SAMD5: variants seen among roughly 807,000 people sequenced by gnomAD.
SAMD5 encodes the protein sterile alpha motif domain containing 5, also known as sterile alpha motif domain-containing protein 5.
SAMD5 carries 13 observed loss-of-function variants against 11.3 expected under a neutral mutation model. The ratio of observed to expected loss-of-function variants is 1.15; its 90% confidence interval spans 0.75 to 1.83. SAMD5 has a LOEUF of 1.83. Among genes scored for constraint, SAMD5 ranks in the 40% most tolerant of loss-of-function variants. The probability of loss-of-function intolerance (pLI) is 0.00; values close to 1 mark genes in which losing one functional copy is unlikely to be tolerated. For missense variants in SAMD5, 255 were observed against 239.1 expected (o/e 1.07, Z -0.44); for synonymous variants, 129 against 111.3 (o/e 1.16, Z -1.00).
chr6:147,509,638 T>A (rs1355740233), intron 1 of SAMD5, among the ~76,000 whole-genome samples: 1 of 152,178 alleles, frequency 6.6e-6, no homozygotes, highest in East Asian at 1.9e-4. Flanking sequence ...AAACTCCGCA[T>A]CCTCTCTGGT....
Position 147,715,077 on chromosome 6 carries a change from C to G in SAMD5, c.163-22240C>G, listed in dbSNP as rs1583150432. Among the ~76,000 whole-genome samples the G allele has an allele frequency of 2.0e-5, 3 of 152,148 alleles. No homozygotes were observed. In the South Asian group the frequency reaches 6.2e-4, roughly 31 times the overall value. ...GAAAGGGTAGAGTTTTACACTCTTT[C>G]CTGCAGTGGTGTCACGGGATCTTTA... is the stretch of plus-strand genomic sequence containing the variant. On this transcript the variant is annotated intron_variant, in intron 1 of 1. Coordinates refer to the SAMD5 transcript ENST00000566741.
chr6:147,896,738 C>CAAAAAAAAAAAAAAAAAAAAAAAAAAAA, the SAMD5 span, among the ~76,000 whole-genome samples: 9 of 55,326 alleles, frequency 1.6e-4, no homozygotes, highest in Non-Finnish European at 2.8e-4. Flanking sequence ...GAACATTAAC[C>CAAAAAAAAAAAAAAAAAAAAAAAAAAAA]AAAAAAAAAA....
chr6:147,661,044 A>C (rs181852794), intron 1 of SAMD5, among the ~76,000 whole-genome samples: 1 of 152,320 alleles, frequency 6.6e-6, no homozygotes, highest in South Asian at 2.1e-4. Context: ...CTGTGGGATC[A>C]GGAGTATATA....
intron 1 of SAMD5, among the ~76,000 whole-genome samples, chr6:147,703,674 A>G (rs1216450632): frequency 6.6e-6 from 1 of 152,186 alleles, no homozygotes; most frequent in African/African-American, 2.4e-5. Flanking sequence ...AGAGATGGCC[A>G]AAAATATCCA....
chr6:147,652,440 G>A (rs901491021), intron 1 of SAMD5, among the ~76,000 whole-genome samples: 1 of 152,164 alleles, frequency 6.6e-6, no homozygotes, highest in Non-Finnish European at 1.5e-5. Flanking sequence ...TTAATTTTCT[G>A]TAATGCTATT....
chr6:147,551,270 G>A (rs1278196545), intron 1 of SAMD5, among the ~76,000 whole-genome samples: 4 of 152,090 alleles, frequency 2.6e-5, no homozygotes, highest in African/African-American at 9.7e-5. Context: ...TAAAATTACA[G>A]CATGATAGAA....
chr6:147,946,179 A>G, the SAMD5 span, among the ~76,000 whole-genome samples: 1 of 152,144 alleles, frequency 6.6e-6, no homozygotes, highest in East Asian at 1.9e-4. Flanking sequence ...AGTTTTCTCC[A>G]TGAATCCTTT....
intron 1 of SAMD5, among the ~76,000 whole-genome samples, chr6:147,625,324 A>T (rs1790034856): frequency 6.6e-6 from 1 of 152,136 alleles, no homozygotes; most frequent in Non-Finnish European, 1.5e-5. Flanking sequence ...TAATGTTAGG[A>T]TCACTCAGTA....
intron 1 of SAMD5, among the ~76,000 whole-genome samples, chr6:147,601,585 C>T (rs889928686): frequency 6.6e-6 from 1 of 152,116 alleles, no homozygotes; most frequent in African/African-American, 2.4e-5. Context: ...ACGGAACACA[C>T]GTCCATGTAC....
intron 1 of SAMD5, among the ~76,000 whole-genome samples, chr6:147,546,651 C>CT (rs1788692653): frequency 6.6e-6 from 1 of 152,012 alleles, no homozygotes; most frequent in South Asian, 2.1e-4. Context: ...GAACTAAAGC[C>CT]TTTTTTGTGT....
the SAMD5 span, among the ~76,000 whole-genome samples, chr6:147,880,663 C>T: frequency 1.3e-5 from 2 of 152,158 alleles, no homozygotes; most frequent in African/African-American, 4.8e-5. Context: ...TTGTCCTCTC[C>T]TTCAGCTCGT....
At chr6:147,614,143 G>C (rs1789830092) in intron 1 of SAMD5, among the ~76,000 whole-genome samples, 1 of 151,930 alleles carries the variant, frequency 6.6e-6, no homozygotes, top group Non-Finnish European at 1.5e-5. Flanking sequence ...AGCGAAGGTG[G>C]CATCTGACAC....
At chr6:147,672,516 A>T (rs1397365282) in intron 1 of SAMD5, among the ~76,000 whole-genome samples, 2 of 152,126 alleles carry the variant, frequency 1.3e-5, no homozygotes, top group African/African-American at 4.8e-5. Flanking sequence ...TATTCTTTTG[A>T]GAAACTGCGT....
rs560771402 is a variant in SAMD5, at chr6:147,586,165, G to A, written c.162+76778G>A. 5.9e-5 allele frequency among the ~76,000 whole-genome samples: 9 copies of A among 152,178 alleles called. No individual in the cohort carries two copies. In the East Asian group the frequency reaches 1.7e-3, roughly 29 times the overall value. ...GCAGAAAGCCCCAATATTTACATAG[G>A]GATCATACGCTCATATTCACAGTGC... On this transcript the variant is annotated intron_variant, in intron 1 of 1. Coordinates refer to the SAMD5 transcript ENST00000566741.
chr6:147,949,332 C>T, the SAMD5 span, among the ~76,000 whole-genome samples: 4 of 152,206 alleles, frequency 2.6e-5, no homozygotes, highest in East Asian at 1.9e-4. Flanking sequence ...TAACTCAGAC[C>T]GCAGTAATAT....
chr6:147,538,480 T>G (rs1484201481), intron 1 of SAMD5, among the ~76,000 whole-genome samples: 1 of 152,230 alleles, frequency 6.6e-6, no homozygotes, highest in Non-Finnish European at 1.5e-5. Context: ...TAATTGTATG[T>G]TATAATGTTA....
intron 1 of SAMD5, among the ~76,000 whole-genome samples, chr6:147,553,245 C>A (rs702333): frequency 4.6e-5 from 7 of 151,870 alleles, no homozygotes; most frequent in African/African-American, 1.7e-4. Context: ...GGTAATATGC[C>A]CAAGGCCATC....
Position 147,565,166 on chromosome 6 carries a change from T to C in SAMD5, c.*710T>C. ...CTAATACAAGTGTCTTGCTCTGACA[T>C]GCATCAAGCAAGAGCTAGCTATTTT... On this transcript the variant is annotated 3_prime_UTR_variant, in exon 2 of 2. Transcript: ENST00000367474. 1 of 985,562 alleles carries C rather than the reference T, an allele frequency of 1.0e-6. No individual in the cohort carries two copies. Among genetic ancestry groups the C allele is most frequent in the Non-Finnish European group, 1.2e-6 (1 of 829,696 alleles). The allele number at this position is 985,562 out of a possible 1,614,324, so 61.1% of individuals were successfully genotyped here.
At chr6:147,750,517 G>A in the SAMD5 span, among the ~76,000 whole-genome samples, 1 of 152,174 alleles carries the variant, frequency 6.6e-6, no homozygotes, top group African/African-American at 2.4e-5. Flanking sequence ...GCAAGGATCC[G>A]TTGCTTCTCT....
Sources: allele counts gnomAD v4.1 joint callset (sites outside exome capture counted in the v4.1 genomes callset), GRCh38; gene constraint gnomAD v4.1.1; transcripts MANE v1.5; gene names NCBI Gene and HGNC (gene_info 2026-07-23, HGNC 2026-07-21).